Variants in TBCE observed in about 807,000 individuals in gnomAD.
The protein encoded by TBCE is tubulin folding cofactor E.
In TBCE, 53 loss-of-function variants were observed where a neutral mutation model predicts 77.0. That is an observed-to-expected ratio of 0.69 (90% CI 0.55 to 0.87). TBCE has a LOEUF of 0.87. Among genes scored for constraint, TBCE ranks in the 40% least tolerant of loss-of-function variants. The pLI is 0.00. For synonymous variants in TBCE, 235 were observed against 241.3 expected (o/e 0.97, Z 0.24); for missense variants, 624 against 622.4 (o/e 1.00, Z -0.03).
At chr1:235,419,646 G>T in intron 5 of TBCE, 85 bp downstream of exon 5, 1 of 1,569,704 alleles carries the variant, frequency 6.4e-7, no homozygotes, top group Non-Finnish European at 8.7e-7. Flanking sequence ...CCTACCCATT[G>T]TCCAGTCTTG....
At position 235,406,487 on chromosome 1, in the gene TBCE, C is replaced by G. The variant is rs375341349; in HGVS notation, c.185+4900C>G. ...TTCAGGGCATCCGCACAGACTAGATCGTCTTTGGTATATCCAAAGAACAAA... is the reference window on the plus strand; with the variant it reads ...TTCAGGGCATCCGCACAGACTAGATGGTCTTTGGTATATCCAAAGAACAAA... On this transcript the variant is annotated intron_variant, in intron 3 of 16. Coordinates refer to ENST00000642610, the MANE Select transcript of TBCE (RefSeq NM_003193.5). Among the ~76,000 whole-genome samples, 604 of 152,310 alleles carry G rather than the reference C, an allele frequency of 4.0e-3. 4 individuals carry two copies. Among genetic ancestry groups the G allele is most frequent in the African/African-American group, 0.014 (576 of 41,574 alleles).
At chr1:235,448,215 A>G in intron 15 of TBCE, 134 bp from the exon 16 acceptor site, 1 of 714,674 alleles carries the variant, frequency 1.4e-6, no homozygotes, top group Non-Finnish European at 2.4e-6. Flanking sequence ...TAAGTAAGTC[A>G]GTCTCAAAAA....
At chr1:235,401,447 T>G (rs1679096011) in intron 2 of TBCE, 56 bp from the exon 3 acceptor site, 2 of 1,471,352 alleles carry the variant, frequency 1.4e-6, no homozygotes, top group Admixed American at 1.7e-5. Flanking sequence ...TGCAGAAAAC[T>G]GGAGCATTGC....
Position 235,450,526 on chromosome 1 carries a change from C to T in TBCE, c.*1764C>T. ...TCCTGATTTGGGAAAGCACCAGGTCCCACAGTCCTGTGGCTGTGGAATACA... is the reference window on the plus strand; with the variant it reads ...TCCTGATTTGGGAAAGCACCAGGTCTCACAGTCCTGTGGCTGTGGAATACA... On this transcript the variant is annotated 3_prime_UTR_variant, in exon 17 of 17. Transcript: ENST00000642610. 1.6e-6 allele frequency: 1 copy of T among 618,968 alleles called. No individual in the cohort carries two copies. The highest frequency in any genetic ancestry group is 2.8e-6 in the Non-Finnish European group (1 of 363,176). 38.3% of individuals were successfully genotyped at this position (618,968 alleles called of 1,614,324 possible).
rs532954089 is a variant in TBCE at position 235,373,929 on chromosome 1, G to A, written c.-31-6090G>A. On this transcript the variant is annotated intron_variant, in intron 1 of 16. Transcript: ENST00000642610. ...CTCCCAAAGTGCTGGGATTACAGAC[G>A]TGAGCCACCGCACCCAGACTTGTAT... Among the ~76,000 whole-genome samples the A allele has an allele frequency of 9.0e-4, 131 of 145,874 alleles. 16 individuals are homozygous for A. Among genetic ancestry groups the A allele is most frequent in the African/African-American group, 3.4e-3 (128 of 37,950 alleles).
chr1:235,371,927 G>A (rs1374400973), intron 1 of TBCE, among the ~76,000 whole-genome samples: 2 of 152,188 alleles, frequency 1.3e-5, no homozygotes, highest in African/African-American at 4.8e-5. Context: ...GCCTGCCTTG[G>A]CCTCCCGAAG....
intron 13 of TBCE, among the ~76,000 whole-genome samples, chr1:235,439,925 C>T (rs1323654643): frequency 1.3e-5 from 2 of 152,120 alleles, no homozygotes; most frequent in Admixed American, 1.3e-4. Context: ...CCTCAGCTTC[C>T]AGAGTAGCTG....
intron 3 of TBCE, among the ~76,000 whole-genome samples, chr1:235,404,686 T>G (rs571279350): frequency 1.6e-4 from 25 of 151,874 alleles, no homozygotes; most frequent in South Asian, 8.3e-4. Flanking sequence ...TTTTTTTTTT[T>G]GGGATGGATT....
At position 235,436,390 on chromosome 1, in the gene TBCE, G is replaced by T; in HGVS notation, c.838G>T (p.Glu280Ter). 6.2e-7 allele frequency: 1 copy of T among 1,613,574 alleles called. No homozygotes were observed. The highest frequency in any genetic ancestry group is 8.5e-7 in the Non-Finnish European group (1 of 1,179,660). The change falls in exon 10 of 17, where the codon GAA (glutamate) becomes TAA (stop). Residue 280 changes from glutamate (E) to a stop codon, truncating the protein, a stop_gained. Coordinates refer to ENST00000642610, the MANE Select transcript of TBCE (RefSeq NM_003193.5). LOFTEE classifies it high-confidence loss of function. ...ATTGTACATTTTGAATTTCAGGTTA[G>T]AACAATTAATCCTCTCTGACACTGG... ...LYLIAHLPRL[E>*]QLILSDTGIS...
chr1:235,384,740 A>G lies in TBCE; in HGVS notation c.100+4591A>G, dbSNP rs1483465348. ...TATTAGTCTTGCTAGCGGTCTATCA[A>G]TTTTGTTGATCCTTTCAAAAAACCA... On this transcript the variant is annotated intron_variant, in intron 2 of 16. Transcript: ENST00000642610. Among the ~76,000 whole-genome samples the G allele has an allele frequency of 3.9e-5, 6 of 151,910 alleles. 1 individual carries two copies. Among genetic ancestry groups the G allele is most frequent in the Non-Finnish European group, 8.8e-5 (6 of 67,988 alleles).
chr1:235,437,965 C>T (rs149057534), intron 12 of TBCE, among the ~76,000 whole-genome samples: 17 of 152,280 alleles, frequency 1.1e-4, no homozygotes, highest in Admixed American at 1.1e-3. Context: ...GAGAGTCCTC[C>T]ACTTAGATCA....
At chr1:235,427,390 A>G in intron 6 of TBCE, 151 bp downstream of exon 6, 1 of 697,062 alleles carries the variant, frequency 1.4e-6, no homozygotes, top group Non-Finnish European at 2.6e-6. Flanking sequence ...ACTCAGGCTG[A>G]TAGTGAGGGT....
intron 3 of TBCE, among the ~76,000 whole-genome samples, chr1:235,401,826 C>CTTTTTTTTTTTTTTTTTTTTT (rs11285286): frequency 2.3e-5 from 2 of 88,594 alleles, no homozygotes; most frequent in Non-Finnish European, 2.1e-5. Flanking sequence ...TTTCTTCGTC[C>CTTTTTTTTTTTTTTTTTTTTT]TTTTTTTTTT....
intron 2 of TBCE, among the ~76,000 whole-genome samples, chr1:235,396,580 G>A (rs1397621793): frequency 6.6e-6 from 1 of 152,162 alleles, no homozygotes; most frequent in East Asian, 1.9e-4. Context: ...GTTCTCCATA[G>A]TGGTTGTACT....
chr1:235,443,049 C>A, intron 15 of TBCE, 138 bp downstream of exon 15: 6 of 840,560 alleles, frequency 7.1e-6, no homozygotes, highest in Non-Finnish European at 1.9e-6. Context: ...CTTTTATATT[C>A]TAAAATACAA....
At chr1:235,408,710 C>G (rs1179211160) in intron 3 of TBCE, among the ~76,000 whole-genome samples, 2 of 152,172 alleles carry the variant, frequency 1.3e-5, no homozygotes, top group Non-Finnish European at 2.9e-5. Flanking sequence ...TGTTACAGCG[C>G]TGAACACTGC....
intron 2 of TBCE, among the ~76,000 whole-genome samples, chr1:235,380,686 T>C (rs966626472): frequency 6.6e-5 from 10 of 152,166 alleles, no homozygotes; most frequent in African/African-American, 2.4e-4. Flanking sequence ...ATATATAGTT[T>C]GTTTAATTGT....
intron 2 of TBCE, among the ~76,000 whole-genome samples, chr1:235,389,325 TTTTG>T (rs1553332218): frequency 1.1e-4 from 16 of 152,092 alleles, no homozygotes; most frequent in African/African-American, 2.2e-4. Flanking sequence ...AATTTAAGCT[TTTTG>T]TTTGTTTGTT....
At chr1:235,442,993 T>C (rs1056199629) in intron 15 of TBCE, 82 bp downstream of exon 15, 62 of 1,394,056 alleles carry the variant, frequency 4.4e-5, no homozygotes, top group Non-Finnish European at 6.0e-5. Context: ...AACCTTTAAC[T>C]CATGTCTCAA....
Sources: gnomAD v4.1 joint callset for allele counts (sites outside exome capture counted in the v4.1 genomes callset) on GRCh38, gnomAD v4.1.1 for gene constraint, MANE v1.5 for transcripts, NCBI Gene and HGNC (gene_info 2026-07-23, HGNC 2026-07-21) for gene names.